The following CLVS1 variants were observed in gnomAD, a reference collection of about 807,000 sequenced individuals.
CLVS1 encodes clavesin-1.
Under a neutral mutation model 33.1 loss-of-function variants are expected in CLVS1, and 10 were observed. The ratio of observed to expected loss-of-function variants is 0.30; its 90% CI spans 0.19 to 0.51. The LOEUF is 0.51. CLVS1 is among the 20% of genes least tolerant of loss of function. CLVS1 has a pLI of 0.97. For missense variants in CLVS1, 343 were observed against 433.4 expected (o/e 0.79, Z 1.85); for synonymous variants, 163 against 166.1 (o/e 0.98, Z 0.14).
chr8:61,353,679 A>G (rs894848722), intron 2 of CLVS1, among the ~76,000 whole-genome samples: 1 of 151,696 alleles, frequency 6.6e-6, no homozygotes, highest in Non-Finnish European at 1.5e-5. Context: ...ACTTCAAGAA[A>G]CTAAGGAAGA....
At chr8:61,141,479 GTATATA>G (rs142262369) in intron 2 of CLVS1, among the ~76,000 whole-genome samples, 6,643 of 151,022 alleles carry the variant, frequency 0.044, 183 homozygotes, top group South Asian at 0.1. Context: ...ATTGGCTTAT[GTATATA>G]TATATATATT....
intron 2 of CLVS1, among the ~76,000 whole-genome samples, chr8:61,167,375 T>A (rs554604163): frequency 1.3e-5 from 2 of 151,666 alleles, no homozygotes; most frequent in African/African-American, 4.8e-5. Context: ...AGAGACGGGG[T>A]TTCTCCATGT....
intron 1 of CLVS1, among the ~76,000 whole-genome samples, chr8:61,083,785 G>T (rs1805069537): frequency 6.6e-6 from 1 of 151,680 alleles, no homozygotes; most frequent in African/African-American, 2.4e-5. Context: ...ATGGAGGAAA[G>T]AATAATTGAG....
At chr8:61,113,409 G>A (rs549477443) in intron 1 of CLVS1, among the ~76,000 whole-genome samples, 119 of 152,312 alleles carry the variant, frequency 7.8e-4, no homozygotes, top group African/African-American at 2.7e-3. Context: ...GGGAGCAAAA[G>A]GAAGGAAGAT....
At chr8:61,347,039 C>T (rs1812246300) in intron 2 of CLVS1, among the ~76,000 whole-genome samples, 1 of 152,144 alleles carries the variant, frequency 6.6e-6, no homozygotes, top group Admixed American at 6.5e-5. Context: ...AGAGAATAAT[C>T]CCCCATGTTG....
At chr8:61,438,145 A>T (rs188290222) in intron 3 of CLVS1, among the ~76,000 whole-genome samples, 29 of 152,262 alleles carry the variant, frequency 1.9e-4, no homozygotes, top group African/African-American at 6.7e-4. Context: ...CCCAGCATGC[A>T]TTAGCTATTT....
intron 2 of CLVS1, among the ~76,000 whole-genome samples, chr8:61,362,476 A>G (rs1376144735): frequency 6.6e-6 from 1 of 152,180 alleles, no homozygotes; most frequent in Non-Finnish European, 1.5e-5. Flanking sequence ...GAGCCCTTCC[A>G]GATCTGAGTT....
chr8:61,302,220 G>A (rs1267942797), intron 2 of CLVS1, among the ~76,000 whole-genome samples: 2 of 152,114 alleles, frequency 1.3e-5, no homozygotes, highest in African/African-American at 4.8e-5. Context: ...ATTTGGTCAG[G>A]ACTCCACCTG....
intron 2 of CLVS1, among the ~76,000 whole-genome samples, chr8:61,276,622 A>G (rs988575565): frequency 3.5e-4 from 53 of 152,326 alleles, no homozygotes; most frequent in African/African-American, 1.2e-3. Context: ...TTTTGGCTCT[A>G]TGCACCTCAA....
intron 3 of CLVS1, among the ~76,000 whole-genome samples, chr8:61,387,021 A>G (rs1814110901): frequency 6.6e-6 from 1 of 152,208 alleles, no homozygotes; most frequent in African/African-American, 2.4e-5. Context: ...ACCATGGGAG[A>G]AAGTGTACTT....
chr8:61,357,378 A>G (rs1436629827), intron 2 of CLVS1, among the ~76,000 whole-genome samples: 1 of 151,838 alleles, frequency 6.6e-6, no homozygotes, highest in Admixed American at 6.6e-5. Context: ...TAAAACAACC[A>G]TGCAAAATGA....
At chr8:61,497,884 T>C (rs1385991549) in intron 5 of CLVS1, among the ~76,000 whole-genome samples, 3 of 152,196 alleles carry the variant, frequency 2.0e-5, no homozygotes, top group Admixed American at 2.0e-4. Context: ...AACTTCCTGA[T>C]GTTGCTATGG....
chr8:61,100,694 A>G (rs1260856096), intron 1 of CLVS1, among the ~76,000 whole-genome samples: 1 of 152,194 alleles, frequency 6.6e-6, no homozygotes, highest in Admixed American at 6.5e-5. Flanking sequence ...AGGAAACTTC[A>G]TAGTCCTTAG....
In CLVS1 at chr8:61,307,229, A is replaced by G. The variant is rs138833901; in HGVS notation, c.455+6947A>G. The stretch of plus-strand genomic sequence containing the variant: ...ACACTGAAGATTCTTTTGTCAGTGT[A>G]TTGTTTGTTTCTCATAATTAAAAGC... On this transcript the variant is annotated intron_variant, in intron 2 of 5. Coordinates refer to ENST00000325897, the MANE Select transcript of CLVS1 (RefSeq NM_173519.3). Among the ~76,000 whole-genome samples, 1,045 of 152,296 alleles carry G rather than the reference A, an allele frequency of 6.9e-3. 5 individuals are homozygous for G. The highest frequency in any genetic ancestry group is 0.011 in the Non-Finnish European group (720 of 68,012).
chr8:61,166,137 T>TA (rs202083097), intron 2 of CLVS1, among the ~76,000 whole-genome samples: 7,604 of 149,476 alleles, frequency 0.051, 217 homozygotes, highest in African/African-American at 0.061. Context: ...ATTTTATTTT[T>TA]TTTTTTTTGA....
intron 1 of CLVS1, among the ~76,000 whole-genome samples, chr8:61,107,674 C>A (rs573325783): frequency 6.6e-6 from 1 of 152,362 alleles, no homozygotes; most frequent in East Asian, 1.9e-4. Context: ...GCAGCTGGTT[C>A]TCCGTGAAGA....
intron 1 of CLVS1, among the ~76,000 whole-genome samples, chr8:61,085,129 G>A (rs1006744463): frequency 1.3e-5 from 2 of 152,198 alleles, no homozygotes; most frequent in African/African-American, 2.4e-5. Context: ...CAGGTATTTG[G>A]AAGGGAGCAA....
chr8:61,206,260 G>T (rs894491633), intron 2 of CLVS1, among the ~76,000 whole-genome samples: 9 of 152,130 alleles, frequency 5.9e-5, no homozygotes, highest in Non-Finnish European at 5.9e-5. Context: ...AGAACTTGAG[G>T]CAATTTGGCA....
intron 2 of CLVS1, among the ~76,000 whole-genome samples, chr8:61,212,445 G>A (rs1212128176): frequency 1.3e-5 from 2 of 152,194 alleles, no homozygotes; most frequent in African/African-American, 4.8e-5. Context: ...CGTGAAGTGA[G>A]GAGCCCAGGG....
Sources: allele counts gnomAD v4.1 joint callset (sites outside exome capture counted in the v4.1 genomes callset), GRCh38; gene constraint gnomAD v4.1.1; transcripts MANE v1.5; gene names NCBI Gene and HGNC (gene_info 2026-07-23, HGNC 2026-07-21).